Variants in RSAD2 observed in about 807,000 individuals in gnomAD.
RSAD2 encodes the protein S-adenosylmethionine-dependent nucleotide dehydratase RSAD2.
A neutral mutation model predicts 37.7 loss-of-function variants in RSAD2; 38 were observed. The ratio of observed to expected loss-of-function variants is 1.01; its 90% CI spans 0.78 to 1.32. The LOEUF (loss-of-function observed/expected upper bound fraction) is 1.32. Among genes scored for constraint, RSAD2 ranks in the 40% most tolerant of loss-of-function variants. The pLI, the probability that RSAD2 is intolerant of heterozygous loss-of-function variation, is 0.00. For synonymous variants in RSAD2, 163 were observed against 157.4 expected, an observed-to-expected ratio of 1.04 and a Z score of -0.27; for missense variants, 428 against 437.5, an observed-to-expected ratio of 0.98 and a Z score of 0.19.
upstream of RSAD2, chr2:6,877,566 C>T: frequency 1.8e-6 from 1 of 545,028 alleles, no homozygotes. Context: ...ACTGAGGCAG[C>T]CGTGAGCAGA....
chr2:6,893,577 A>G (rs1663672131), intron 4 of RSAD2, 94 bp from the exon 5 acceptor site: 1 of 1,016,560 alleles, frequency 9.8e-7, no homozygotes, highest in African/African-American at 1.6e-5. Flanking sequence ...GCTGGATCCA[A>G]AACAATACAA....
chr2:6,878,789 C>T (rs1464136553), intron 1 of RSAD2: 12 of 1,184,964 alleles, frequency 1.0e-5, no homozygotes, highest in African/African-American at 3.2e-5. Flanking sequence ...TCTGTTCTGC[C>T]TTCCGTCCTT....
intron 1 of RSAD2, among the ~76,000 whole-genome samples, chr2:6,870,903 C>T (rs1256594815): frequency 6.6e-6 from 1 of 152,158 alleles, no homozygotes; most frequent in Non-Finnish European, 1.5e-5. Flanking sequence ...GCTGGATTTA[C>T]GAGCCAAAAT....
intron 3 of RSAD2, among the ~76,000 whole-genome samples, chr2:6,888,416 A>T (rs1442151432): frequency 6.6e-6 from 1 of 152,160 alleles, no homozygotes; most frequent in Non-Finnish European, 1.5e-5. Context: ...TGATAGGAAA[A>T]ACAGGGACAT....
chr2:6,892,734 A>G (rs190400540), intron 4 of RSAD2, among the ~76,000 whole-genome samples: 3 of 151,926 alleles, frequency 2.0e-5, no homozygotes, highest in African/African-American at 7.3e-5. Flanking sequence ...ACTAGTTCCC[A>G]GATGATGCTG....
rs755765355 is a variant in RSAD2, at chr2:6,883,406, T to G, written c.382T>G (p.Phe128Val). 1.7e-5 allele frequency: 27 copies of G among 1,614,116 alleles called. No homozygotes were observed. The South Asian group carries it at 3.0e-4, about 18-fold the overall frequency. Residue 128 changes from phenylalanine (F) to valine (V), a missense_variant, in exon 2 of 6, where the codon TTT (phenylalanine) becomes GTT (valine). Coordinates refer to ENST00000382040, the MANE Select transcript of RSAD2 (RefSeq NM_080657.5). ...EKINFSGGEP[F>V]LQDRGEYLGK... ...GATCAACTTTTCAGGTGGAGAGCCA[T>G]TTCTTCAAGACCGGGGAGAATACCT...
intron 1 of RSAD2, among the ~76,000 whole-genome samples, chr2:6,868,108 G>A (rs1046625199): frequency 4.6e-5 from 7 of 152,076 alleles, no homozygotes; most frequent in Admixed American, 3.9e-4. Flanking sequence ...TGAATGAACA[G>A]CACAGCTATA....
chr2:6,867,097 C>A (rs1338475879), intron 1 of RSAD2, among the ~76,000 whole-genome samples: 1 of 152,182 alleles, frequency 6.6e-6, no homozygotes, highest in East Asian at 1.9e-4. Context: ...TAGTTACTCC[C>A]TTTTCTTCTC....
At chr2:6,871,068 G>A (rs1346640970) in intron 1 of RSAD2, among the ~76,000 whole-genome samples, 1 of 152,178 alleles carries the variant, frequency 6.6e-6, no homozygotes, top group African/African-American at 2.4e-5. Flanking sequence ...ACCTCCCAGA[G>A]ACAATGGGAA....
Position 6,877,998 on chromosome 2 carries a change from TC to T in RSAD2, c.200del (p.Pro67LeufsTer74). 2 of 1,614,126 alleles carry T rather than the reference TC, an allele frequency of 1.2e-6. No homozygotes were observed. The highest frequency in any genetic ancestry group is 8.5e-7 in the Non-Finnish European group (1 of 1,180,018). ...AGACCAAAGAGGAGGAAGAGGACCCTCCTCTGCCCACCACCCCAACCAGCGT... is the reference window on the plus strand; with the variant it reads ...AGACCAAAGAGGAGGAAGAGGACCCTCTCTGCCCACCACCCCAACCAGCGT... ...DETKEEEEDP[P>X]LPTTPTSVNY... On this transcript the variant is annotated frameshift_variant, in exon 1 of 6. Coordinates refer to ENST00000382040, the MANE Select transcript of RSAD2 (RefSeq NM_080657.5). LOFTEE classifies it high-confidence loss of function.
chr2:6,895,671 G>C (rs2103250564), intron 5 of RSAD2, 107 bp from the exon 6 acceptor site: 1 of 1,026,608 alleles, frequency 9.7e-7, no homozygotes, highest in Non-Finnish European at 1.4e-6. Flanking sequence ...AAAGATACCT[G>C]TCGACATGAC....
At chr2:6,870,951 C>A (rs955104330) in intron 1 of RSAD2, among the ~76,000 whole-genome samples, 1 of 152,108 alleles carries the variant, frequency 6.6e-6, no homozygotes, top group African/African-American at 2.4e-5. Flanking sequence ...AGTCTCTGGA[C>A]AAAAATTACC....
intron 1 of RSAD2, among the ~76,000 whole-genome samples, chr2:6,880,426 G>A (rs985336994): frequency 6.6e-6 from 1 of 152,134 alleles, no homozygotes; most frequent in African/African-American, 2.4e-5. Flanking sequence ...GGGAGGGAGA[G>A]TTGTGTGTCT....
At chr2:6,891,057 A>G (rs1251611816) in intron 4 of RSAD2, among the ~76,000 whole-genome samples, 1 of 152,206 alleles carries the variant, frequency 6.6e-6, no homozygotes, top group Non-Finnish European at 1.5e-5. Context: ...ATATCATAAA[A>G]TTAAAAGTGA....
Position 6,887,158 on chromosome 2 carries a change from C to A in RSAD2, c.732C>A (p.Arg244=). 1 of 1,611,984 alleles carries A rather than the reference C, an allele frequency of 6.2e-7. No homozygotes were observed. Among genetic ancestry groups the A allele is most frequent in the Non-Finnish European group, 8.5e-7 (1 of 1,178,188 alleles). Residue 244 remains arginine (R), a synonymous_variant, in exon 3 of 6, where the codon CGC becomes CGA. Coordinates refer to ENST00000382040, the MANE Select transcript of RSAD2 (RefSeq NM_080657.5). The stretch of plus-strand genomic sequence containing the variant: ...AGATCAAAGCACTAAACCCTGTCCG[C>A]TGGAAAGTAAGTACACAAGGTCGCT... ...TEQIKALNPV[R]WKVFQCLLIE... is the part of the protein sequence containing the mutation.
chr2:6,866,520 G>T (rs886175782), intron 1 of RSAD2: 47 of 979,800 alleles, frequency 4.8e-5, no homozygotes, highest in Admixed American at 6.2e-5. Flanking sequence ...CCTCGAAATC[G>T]CCTTTCTTCC....
chr2:6,886,979 G>T lies in RSAD2; in HGVS notation c.553G>T (p.Glu185Ter), dbSNP rs765795790. 41 of 1,614,052 alleles carry T rather than the reference G, an allele frequency of 2.5e-5. 1 individual carries two copies. The highest frequency in any genetic ancestry group is 3.3e-4 in the Middle Eastern group (2 of 6,084). Residue 185 changes from glutamate (E) to a stop codon, truncating the protein, a stop_gained, in exon 3 of 6, where the codon GAG (glutamate) becomes TAG (stop). Coordinates refer to ENST00000382040, the MANE Select transcript of RSAD2 (RefSeq NM_080657.5). LOFTEE classifies it high-confidence loss of function. ...ILAISCDSFD[E>*]EVNVLIGRGQ... ...CGCTATCTCCTGTGACAGCTTTGAC[G>T]AGGAAGTCAATGTCCTTATTGGCCG... is the stretch of plus-strand genomic sequence containing the variant.
intron 1 of RSAD2, among the ~76,000 whole-genome samples, chr2:6,870,656 C>T (rs1397188718): frequency 2.0e-5 from 3 of 152,190 alleles, no homozygotes; most frequent in African/African-American, 7.2e-5. Flanking sequence ...TTCCTCTTGA[C>T]CCCAAGTTTA....
chr2:6,878,019 C>G lies in RSAD2; in HGVS notation c.219C>G (p.Thr73=). The G allele has an allele frequency of 6.2e-7, 1 of 1,614,240 alleles. No homozygotes were observed. Among genetic ancestry groups the G allele is most frequent in the Non-Finnish European group, 8.5e-7 (1 of 1,180,042 alleles). ...EEDPPLPTTP[T]SVNYHFTRQC... is the part of the protein sequence containing the mutation. ...ACCCTCCTCTGCCCACCACCCCAAC[C>G]AGCGTCAACTATCACTTCACTCGCC... The change falls in exon 1 of 6, where the codon ACC becomes ACG. Residue 73 remains threonine, a synonymous_variant. Coordinates refer to ENST00000382040, the MANE Select transcript of RSAD2 (RefSeq NM_080657.5).
Sources: gnomAD v4.1 joint callset for allele counts (sites outside exome capture counted in the v4.1 genomes callset) on GRCh38, gnomAD v4.1.1 for gene constraint, MANE v1.5 for transcripts, NCBI Gene and HGNC (gene_info 2026-07-23, HGNC 2026-07-21) for gene names.